THG1L: variants seen among roughly 807,000 people sequenced by gnomAD.
The protein encoded by THG1L is tRNA-histidine guanylyltransferase 1 like, also known as probable tRNA(His) guanylyltransferase.
In THG1L, 27 loss-of-function variants were observed where a neutral mutation model predicts 35.2. The observed-to-expected ratio is 0.77, with a 90% CI of 0.57 to 1.06. The LOEUF is 1.06. Ranked by LOEUF, THG1L falls within the 50% of genes least tolerant of loss-of-function variation. The pLI, the probability that THG1L is intolerant of heterozygous loss-of-function variation, is 0.00. For missense variants in THG1L, 377 were observed against 371.8 expected, an observed-to-expected ratio of 1.01 and a Z score of -0.12; for synonymous variants, 135 against 132.4, an observed-to-expected ratio of 1.02 and a Z score of -0.14.
intron 1 of THG1L, among the ~76,000 whole-genome samples, chr5:157,732,287 A>G (rs572282965): frequency 6.6e-6 from 1 of 150,852 alleles, no homozygotes; most frequent in East Asian, 2.0e-4. Context: ...AGAAAGAAAA[A>G]GAAAAAATTT....
intron 1 of THG1L, 52 bp from the exon 2 acceptor site, chr5:157,732,813 GTGT>G (rs1365750417): frequency 9.4e-6 from 15 of 1,596,922 alleles, no homozygotes; most frequent in Non-Finnish European, 1.3e-5. Context: ...GCAACAGAGC[GTGT>G]TGTTAATGAC....
In THG1L at chr5:157,734,615, C is replaced by T. The variant is rs772339141; in HGVS notation, c.408C>T (p.Ser136=). ...ACGTGGCCTCCCAGTTTGCCTCCAGCTATGTGTTTTATTGGCGGGATTACT... is the reference window on the plus strand; with the variant it reads ...ACGTGGCCTCCCAGTTTGCCTCCAGTTATGTGTTTTATTGGCGGGATTACT... ...MTHVASQFAS[S]YVFYWRDYFE... The change falls in exon 3 of 6, where the codon AGC becomes AGT. Residue 136 remains serine (S), a synonymous_variant. Coordinates refer to ENST00000231198, the MANE Select transcript of THG1L (RefSeq NM_017872.5). 5.0e-6 allele frequency: 8 copies of T among 1,614,064 alleles called. No homozygotes were observed. The African/African-American group carries it at 9.3e-5, about 19-fold the overall frequency.
Position 157,731,425 on chromosome 5 carries a change from C to T in THG1L, c.-16C>T. 6.4e-7 allele frequency: 1 copy of T among 1,574,006 alleles called. No individual in the cohort carries two copies. Among genetic ancestry groups the T allele is most frequent in the Non-Finnish European group, 8.6e-7 (1 of 1,158,554 alleles). ...CCGGGGCGGGGCTATCTGGCCCTTT[C>T]CTTTCCGCGTGTAGAATGTGGGGCG... On this transcript the variant is annotated 5_prime_UTR_variant, in exon 1 of 6. Coordinates refer to ENST00000231198, the MANE Select transcript of THG1L (RefSeq NM_017872.5).
chr5:157,739,183 A>G, intron 5 of THG1L, 138 bp from the exon 6 acceptor site: 1 of 664,120 alleles, frequency 1.5e-6, no homozygotes, highest in South Asian at 2.3e-5. Flanking sequence ...ATATATACAC[A>G]TATTTATATC....
At chr5:157,737,815 G>T in intron 4 of THG1L, 72 bp from the exon 5 acceptor site, 2 of 1,197,590 alleles carry the variant, frequency 1.7e-6, no homozygotes, top group Non-Finnish European at 1.2e-6. Flanking sequence ...TAGGTTGTGG[G>T]TCGAATGGAT....
At position 157,739,910 on chromosome 5, in the gene THG1L, C is replaced by T. The variant is rs1014019602; in HGVS notation, c.*428C>T. ...CCCACTGACTTTGAAAATCTCACCT[C>T]TGCCACCCATCTACTTGCATTCGTC... On this transcript the variant is annotated 3_prime_UTR_variant, in exon 6 of 6. Coordinates refer to ENST00000231198, the MANE Select transcript of THG1L (RefSeq NM_017872.5). The T allele has an allele frequency of 1.3e-5, 2 of 153,252 alleles. No homozygotes were observed. Among genetic ancestry groups the T allele is most frequent in the East Asian group, 1.9e-4 (1 of 5,202 alleles). The allele number at this position is 153,252 out of a possible 1,614,324, so 9.5% of individuals were successfully genotyped here.
chr5:157,734,825 T>C, intron 3 of THG1L, 80 bp downstream of exon 3: 1 of 1,519,330 alleles, frequency 6.6e-7, no homozygotes, highest in Non-Finnish European at 9.0e-7. Context: ...CAGGATTGGC[T>C]CACATATACT....
chr5:157,734,660 G>C lies in THG1L; in HGVS notation c.453G>C (p.Leu151=), dbSNP rs1315552395. ...ATTACTTTGAGGACCAGCCCCTTCT[G>C]TATCCCCCAGGCTTTGACGGAAGAG... The part of the protein sequence containing the change: ...WRDYFEDQPL[L]YPPGFDGRVV... Residue 151 remains leucine (L), a synonymous_variant, in exon 3 of 6, where the codon CTG becomes CTC. Coordinates refer to ENST00000231198, the MANE Select transcript of THG1L (RefSeq NM_017872.5). The C allele has an allele frequency of 6.2e-7, 1 of 1,613,964 alleles. No individual in the cohort carries two copies. The highest frequency in any genetic ancestry group is 1.1e-5 in the South Asian group (1 of 91,072).
rs1760989180 is a variant in THG1L, at chr5:157,739,871, T to A, written c.*389T>A. The A allele has an allele frequency of 6.4e-6, 1 of 155,342 alleles. No homozygotes were observed. Among genetic ancestry groups the A allele is most frequent in the East Asian group, 1.9e-4 (1 of 5,344 alleles). The allele number at this position is 155,342 out of a possible 1,614,324, so 9.6% of individuals were successfully genotyped here. A position where few individuals can be genotyped will look rare whatever the true frequency, so the allele number is the denominator to read the frequency against. Reference sequence around the variant, plus strand: ...GGAGCCCAAACTCTCGCCCACCTGTTCTTAACCAGAAAACCCACTGACTTT... The same window carrying A: ...GGAGCCCAAACTCTCGCCCACCTGTACTTAACCAGAAAACCCACTGACTTT... On this transcript the variant is annotated 3_prime_UTR_variant, in exon 6 of 6. Coordinates refer to ENST00000231198, the MANE Select transcript of THG1L (RefSeq NM_017872.5).
In THG1L at chr5:157,737,228, C is replaced by T. The variant is rs894660799; in HGVS notation, c.628-659C>T. On this transcript the variant is annotated intron_variant, in intron 4 of 5. Coordinates refer to ENST00000231198, the MANE Select transcript of THG1L (RefSeq NM_017872.5). ...AACTGGGGCCTGGTGTGGTGGTTCA[C>T]GCATGTAATCCCAGCACTCTGAGGA... 5.3e-5 allele frequency among the ~76,000 whole-genome samples: 8 copies of T among 152,104 alleles called. No homozygotes were observed. The South Asian group carries it at 1.0e-3, about 20-fold the overall frequency.
chr5:157,734,892 T>C, intron 3 of THG1L, 147 bp downstream of exon 3: 1 of 919,858 alleles, frequency 1.1e-6, no homozygotes, highest in South Asian at 2.6e-5. Flanking sequence ...TTCAATTAGT[T>C]AAAAGTATTT....
At chr5:157,734,527 G>T in intron 2 of THG1L, 49 bp from the exon 3 acceptor site, 2 of 1,604,054 alleles carry the variant, frequency 1.2e-6, no homozygotes, top group Non-Finnish European at 1.7e-6. Flanking sequence ...AACTAATTCC[G>T]TGTATTTTTC....
At chr5:157,739,276 C>A (rs1760969161) in intron 5 of THG1L, 45 bp from the exon 6 acceptor site, 2 of 1,589,402 alleles carry the variant, frequency 1.3e-6, no homozygotes, top group Non-Finnish European at 1.7e-6. Context: ...CTCTCCCAAA[C>A]CCACTCCTGA....
At chr5:157,737,495 G>T (rs940796014) in intron 4 of THG1L, among the ~76,000 whole-genome samples, 1 of 151,850 alleles carries the variant, frequency 6.6e-6, no homozygotes, top group Non-Finnish European at 1.5e-5. Context: ...AAAAAAAAAG[G>T]CATACTGGTA....
chr5:157,731,950 AAGCC>A (rs1364572893), intron 1 of THG1L, among the ~76,000 whole-genome samples: 1 of 152,190 alleles, frequency 6.6e-6, no homozygotes, highest in Non-Finnish European at 1.5e-5. Context: ...TTAAGCTCTT[AAGCC>A]AATTGCCTAG....
rs760455860 is a variant in THG1L, at chr5:157,735,904, A to G, written c.597A>G (p.Leu199=). The G allele has an allele frequency of 6.8e-6, 11 of 1,607,978 alleles. No homozygotes were observed. In the South Asian group the frequency reaches 1.1e-4, roughly 16 times the overall value. ...VFWALIQQSG[L]TPVQAQGRLQ... ...GGGCACTTATACAACAATCTGGACT[A>G]ACACCAGTACAAGCCCAAGGGAGAT... The change falls in exon 4 of 6, where the codon CTA becomes CTG. Residue 199 remains leucine, a synonymous_variant. Coordinates refer to ENST00000231198, the MANE Select transcript of THG1L (RefSeq NM_017872.5).
chr5:157,738,020 A>G (rs1171370465), intron 5 of THG1L, 26 bp downstream of exon 5: 19 of 1,581,830 alleles, frequency 1.2e-5, no homozygotes, highest in Non-Finnish European at 1.6e-5. Context: ...TCAAAGAAAA[A>G]TGGAAGTCAG....
intron 4 of THG1L, among the ~76,000 whole-genome samples, chr5:157,737,490 A>G (rs1449761991): frequency 1.3e-5 from 2 of 152,244 alleles, no homozygotes; most frequent in East Asian, 1.9e-4. Context: ...CTAAAAAAAA[A>G]AAAGGCATAC....
intron 1 of THG1L, 51 bp downstream of exon 1, chr5:157,731,682 T>C: frequency 6.5e-7 from 1 of 1,546,246 alleles, no homozygotes; most frequent in East Asian, 2.3e-5. Context: ...TTCCGGGGAA[T>C]CCAGCTTCTT....
Sources: allele counts gnomAD v4.1 joint callset (sites outside exome capture counted in the v4.1 genomes callset), GRCh38; gene constraint gnomAD v4.1.1; transcripts MANE v1.5; gene names NCBI Gene and HGNC (gene_info 2026-07-23, HGNC 2026-07-21).